The following ANKS1B variants were observed in gnomAD, a reference collection of about 807,000 sequenced individuals.
ANKS1B encodes the protein ankyrin repeat and sterile alpha motif domain containing 1B, also known as ankyrin repeat and sterile alpha motif domain-containing protein 1B.
In ANKS1B, 36 loss-of-function variants were observed where a neutral mutation model predicts 148.3. That is an observed-to-expected ratio of 0.24 (90% CI 0.19 to 0.32). The LOEUF (loss-of-function observed/expected upper bound fraction) is 0.32, where lower values mean the gene tolerates loss of function less well. ANKS1B is among the 10% of genes least tolerant of loss of function. The pLI is 1.00. For missense variants in ANKS1B, 1,157 were observed against 1,542.6 expected, an observed-to-expected ratio of 0.75 and a Z score of 4.19; for synonymous variants, 542 against 560.8, an observed-to-expected ratio of 0.97 and a Z score of 0.47.
At chr12:99,594,201 A>C (rs932931976) in intron 9 of ANKS1B, among the ~76,000 whole-genome samples, 11 of 152,236 alleles carry the variant, frequency 7.2e-5, no homozygotes, top group African/African-American at 2.6e-4. Context: ...ATTACTACAG[A>C]TAAAACTGAA....
chr12:98,969,359 T>C (rs2099881270), intron 17 of ANKS1B, among the ~76,000 whole-genome samples: 1 of 152,140 alleles, frequency 6.6e-6, no homozygotes, highest in Admixed American at 6.5e-5. Flanking sequence ...TTCTGGTAAA[T>C]GGGCATGATG....
At chr12:98,905,584 A>G (rs899693035) in intron 17 of ANKS1B, among the ~76,000 whole-genome samples, 16 of 152,086 alleles carry the variant, frequency 1.1e-4, no homozygotes, top group Non-Finnish European at 7.4e-5. Context: ...ATCCTGGACA[A>G]CATAGCGAGA....
intron 12 of ANKS1B, among the ~76,000 whole-genome samples, chr12:99,273,133 T>C (rs1327087981): frequency 2.0e-5 from 3 of 152,218 alleles, no homozygotes; most frequent in Non-Finnish European, 2.9e-5. Flanking sequence ...CTCCATCTTA[T>C]TGGAGTTGTT....
chr12:98,873,660 T>C (rs544809758), intron 17 of ANKS1B, among the ~76,000 whole-genome samples: 5 of 152,176 alleles, frequency 3.3e-5, no homozygotes, highest in Admixed American at 6.5e-5. Context: ...AAGGGGCAAC[T>C]GCTCTGAAAC....
intron 17 of ANKS1B, among the ~76,000 whole-genome samples, chr12:98,931,433 A>C (rs648763): frequency 0.16 from 23,689 of 152,168 alleles, 2,483 homozygotes; most frequent in African/African-American, 0.29. Flanking sequence ...GTTCTAGGTA[A>C]ATACAATAAG....
At chr12:98,878,468 T>C (rs192403579) in intron 17 of ANKS1B, among the ~76,000 whole-genome samples, 21 of 152,330 alleles carry the variant, frequency 1.4e-4, no homozygotes, top group Non-Finnish European at 1.6e-4. Context: ...CTATTATTAC[T>C]GCCCATCTGG....
At chr12:99,848,919 A>G (rs914072477) in intron 1 of ANKS1B, among the ~76,000 whole-genome samples, 2 of 152,192 alleles carry the variant, frequency 1.3e-5, no homozygotes, top group African/African-American at 4.8e-5. Flanking sequence ...GGAAGCCACT[A>G]TCATAAGCAA....
intron 9 of ANKS1B, among the ~76,000 whole-genome samples, chr12:99,626,283 T>C (rs1598369724): frequency 6.6e-6 from 1 of 152,200 alleles, no homozygotes; most frequent in South Asian, 2.1e-4. Context: ...TTTCAATATA[T>C]TTTAAGTAGC....
At chr12:99,830,275 C>T (rs2083761913) in intron 1 of ANKS1B, among the ~76,000 whole-genome samples, 1 of 152,164 alleles carries the variant, frequency 6.6e-6, no homozygotes, top group Admixed American at 6.6e-5. Flanking sequence ...ATAGTTCCTA[C>T]AGCACAGAAA....
chr12:99,022,694 C>CT (rs1568408466), intron 17 of ANKS1B, among the ~76,000 whole-genome samples: 2 of 151,366 alleles, frequency 1.3e-5, no homozygotes, highest in Admixed American at 6.6e-5. Context: ...GTTTTCTTTT[C>CT]TTTTTTTTAG....
intron 15 of ANKS1B, among the ~76,000 whole-genome samples, chr12:99,109,481 G>C (rs971570266): frequency 1.3e-5 from 2 of 152,138 alleles, no homozygotes; most frequent in Non-Finnish European, 2.9e-5. Flanking sequence ...CTATAAGCTT[G>C]AGGAAGTTAT....
chr12:99,472,087 C>A (rs2096250901), intron 10 of ANKS1B, among the ~76,000 whole-genome samples: 1 of 152,190 alleles, frequency 6.6e-6, no homozygotes, highest in Non-Finnish European at 1.5e-5. Flanking sequence ...ATTACATAAA[C>A]CTAACCACCA....
At chr12:98,858,905 TGA>T (rs2099585152) in intron 17 of ANKS1B, among the ~76,000 whole-genome samples, 1 of 152,200 alleles carries the variant, frequency 6.6e-6, no homozygotes, top group African/African-American at 2.4e-5. Context: ...CTCTGTAAAA[TGA>T]GAGAGGAACA....
At chr12:99,941,490 T>G (rs1312750475) in intron 1 of ANKS1B, among the ~76,000 whole-genome samples, 1 of 152,050 alleles carries the variant, frequency 6.6e-6, no homozygotes, top group African/African-American at 2.4e-5. Flanking sequence ...GACAGGGATA[T>G]TAAACAGATA....
At chr12:99,227,294 G>A (rs945361909) in intron 14 of ANKS1B, among the ~76,000 whole-genome samples, 4 of 152,062 alleles carry the variant, frequency 2.6e-5, no homozygotes, top group African/African-American at 4.8e-5. Flanking sequence ...GCCTGCTCCC[G>A]CTTTGACACC....
chr12:99,938,335 A>T (rs922642348), intron 1 of ANKS1B, among the ~76,000 whole-genome samples: 2 of 152,114 alleles, frequency 1.3e-5, no homozygotes, highest in Non-Finnish European at 2.9e-5. Context: ...ATGAGCTTGA[A>T]AACATCTCCT....
intron 1 of ANKS1B, among the ~76,000 whole-genome samples, chr12:99,930,383 T>C (rs2094582958): frequency 6.6e-6 from 1 of 152,212 alleles, no homozygotes; most frequent in Non-Finnish European, 1.5e-5. Flanking sequence ...GCTTATCAGC[T>C]TGAGGAGATT....
intron 19 of ANKS1B, among the ~76,000 whole-genome samples, chr12:98,827,540 G>C (rs907004886): frequency 6.6e-6 from 1 of 152,156 alleles, no homozygotes; most frequent in African/African-American, 2.4e-5. Context: ...CCCGTTAAAA[G>C]ATTTGTGCTA....
At position 99,675,257 on chromosome 12, in the gene ANKS1B, G is replaced by A. The variant is rs73143667; in HGVS notation, c.1129-20047C>T. On this transcript the variant is annotated intron_variant, in intron 8 of 26. Transcript: ENST00000683438. Reference sequence around the variant, plus strand: ...AAGAGAATAAATGTTATATGTATGTGTAATGATATTCATTATTCCATTGAT... The same window carrying A: ...AAGAGAATAAATGTTATATGTATGTATAATGATATTCATTATTCCATTGAT... 3.6e-3 allele frequency among the ~76,000 whole-genome samples: 545 copies of A among 152,014 alleles called. 2 individuals carry two copies. Among genetic ancestry groups the A allele is most frequent in the Non-Finnish European group, 5.8e-3 (392 of 67,852 alleles).
Sources: gnomAD v4.1 joint callset for allele counts (sites outside exome capture counted in the v4.1 genomes callset) on GRCh38, gnomAD v4.1.1 for gene constraint, MANE v1.5 for transcripts, NCBI Gene and HGNC (gene_info 2026-07-23, HGNC 2026-07-21) for gene names.